The following MCPH1 variants were observed in gnomAD, a reference collection of about 807,000 sequenced individuals.
The protein encoded by MCPH1 is microcephalin 1.
Under a neutral mutation model 84.5 loss-of-function variants are expected in MCPH1, and 104 were observed. The ratio of observed to expected loss-of-function variants is 1.23; its 90% CI spans 1.05 to 1.45. MCPH1 has a LOEUF of 1.45. MCPH1 is among the 40% of genes most tolerant of loss of function. The probability of loss-of-function intolerance (pLI) is 0.00; values close to 1 mark genes in which losing one functional copy is unlikely to be tolerated. For missense variants in MCPH1, 1,498 were observed against 1,005.7 expected (o/e 1.49, Z -6.62); for synonymous variants, 514 against 366.8 (o/e 1.40, Z -4.58).
chr8:6,448,566 G>T (rs143595291), intron 8 of MCPH1, among the ~76,000 whole-genome samples: 1 of 152,316 alleles, frequency 6.6e-6, no homozygotes, highest in African/African-American at 2.4e-5. Context: ...CTGTGGGTTG[G>T]AGTGTTTGTC....
chr8:6,526,625 G>A (rs1464201849), intron 12 of MCPH1, among the ~76,000 whole-genome samples: 2 of 152,144 alleles, frequency 1.3e-5, no homozygotes, highest in East Asian at 1.9e-4. Flanking sequence ...CCAAAGGACA[G>A]AAAGAATTAT....
chr8:6,478,826 T>C (rs1808813087), intron 10 of MCPH1, among the ~76,000 whole-genome samples: 1 of 152,236 alleles, frequency 6.6e-6, no homozygotes, highest in Admixed American at 6.5e-5. Flanking sequence ...CGGGTTGAAG[T>C]AGTGATGAGG....
rs765559736 is a variant in MCPH1 at position 6,445,410 on chromosome 8, A to G, written c.1688A>G (p.Asn563Ser). Reference sequence around the variant, plus strand: ...GCGGTTGGTCTGAAAAGCACACAGAACAAAGGTACCACTTCCAAAATATCA... The same window carrying G: ...GCGGTTGGTCTGAAAAGCACACAGAGCAAAGGTACCACTTCCAAAATATCA... ...KEAVGLKSTQ[N>S]KGTTSKISNS... Residue 563 changes from asparagine to serine, a missense_variant, in exon 8 of 14, where the codon AAC becomes AGC. Asn to Ser is a conservative substitution (Grantham distance 46). Coordinates refer to ENST00000344683, the MANE Select transcript of MCPH1 (RefSeq NM_024596.5). 3 of 1,614,142 alleles carry G rather than the reference A, an allele frequency of 1.9e-6. No individual in the cohort carries two copies. The highest frequency in any genetic ancestry group is 1.7e-5 in the Admixed American group (1 of 60,016).
chr8:6,484,128 A>T (rs1043201060), intron 11 of MCPH1, among the ~76,000 whole-genome samples: 1 of 152,230 alleles, frequency 6.6e-6, no homozygotes, highest in Admixed American at 6.5e-5. Flanking sequence ...TTATGAAGAG[A>T]TCAGAAGAAA....
In MCPH1 at chr8:6,431,660, A is replaced by C. The variant is rs1270107543; in HGVS notation, c.321+74A>C. ...TTTTTATTTTTTATTTCTAGAAAAT[A>C]AAACTTCTAGAAATATATTCAAGAG... On this transcript the variant is annotated intron_variant, in intron 4 of 13. Coordinates refer to ENST00000344683, the MANE Select transcript of MCPH1 (RefSeq NM_024596.5). 3.9e-6 allele frequency: 4 copies of C among 1,013,614 alleles called. No homozygotes were observed. In the African/African-American group the frequency reaches 6.5e-5, roughly 17 times the overall value. The allele number at this position is 1,013,614 out of a possible 1,614,324, so 62.8% of individuals were successfully genotyped here.
intron 12 of MCPH1, among the ~76,000 whole-genome samples, chr8:6,542,795 C>T (rs1329368809): frequency 2.6e-5 from 4 of 152,056 alleles, no homozygotes; most frequent in African/African-American, 9.7e-5. Flanking sequence ...CTGAAGTGGG[C>T]AGTTTTTTTC....
intron 12 of MCPH1, among the ~76,000 whole-genome samples, chr8:6,565,468 C>T (rs2129576124): frequency 6.6e-6 from 1 of 152,108 alleles, no homozygotes; most frequent in East Asian, 1.9e-4. Context: ...CTCTTGTTGC[C>T]CAGGCTGGTC....
chr8:6,543,149 C>T (rs748114412), intron 12 of MCPH1, among the ~76,000 whole-genome samples: 6 of 152,082 alleles, frequency 3.9e-5, no homozygotes, highest in Non-Finnish European at 7.4e-5. Flanking sequence ...CCTCTTTCTG[C>T]TAGCACCCAA....
intron 12 of MCPH1, among the ~76,000 whole-genome samples, chr8:6,603,702 A>G (rs572029578): frequency 4.0e-4 from 61 of 152,312 alleles, no homozygotes; most frequent in African/African-American, 1.4e-3. Context: ...TTTCAGATAA[A>G]TAATCAGAAA....
At chr8:6,491,870 C>T (rs560495867) in intron 11 of MCPH1, among the ~76,000 whole-genome samples, 1 of 152,308 alleles carries the variant, frequency 6.6e-6, no homozygotes, top group Non-Finnish European at 1.5e-5. Flanking sequence ...TTAATCCAGT[C>T]TATCATTGTT....
At chr8:6,408,066 G>C (rs1797991111) in intron 1 of MCPH1, among the ~76,000 whole-genome samples, 1 of 152,188 alleles carries the variant, frequency 6.6e-6, no homozygotes, top group African/African-American at 2.4e-5. Flanking sequence ...TTTACCATCT[G>C]TCTCTTTACA....
intron 11 of MCPH1, among the ~76,000 whole-genome samples, chr8:6,495,821 TA>T (rs1811161865): frequency 6.6e-6 from 1 of 152,192 alleles, no homozygotes; most frequent in Non-Finnish European, 1.5e-5. Flanking sequence ...AAGCGGAATG[TA>T]AAACATACTT....
intron 13 of MCPH1, among the ~76,000 whole-genome samples, chr8:6,624,187 C>A (rs189477680): frequency 6.6e-6 from 1 of 152,258 alleles, no homozygotes; most frequent in Non-Finnish European, 1.5e-5. Context: ...AGGCTTCGAT[C>A]CCGCAAAGCC....
chr8:6,413,721 A>T (rs1036195113), intron 2 of MCPH1, among the ~76,000 whole-genome samples: 1 of 151,296 alleles, frequency 6.6e-6, no homozygotes, highest in Non-Finnish European at 1.5e-5. Flanking sequence ...ATTAAAAAAT[A>T]ATCTTCTGAT....
rs955664124 is a variant in MCPH1, at chr8:6,442,277, C to T, written c.670+121C>T. The T allele has an allele frequency of 4.5e-6, 3 of 672,252 alleles. No homozygotes were observed. The Admixed American group carries it at 7.2e-5, about 16-fold the overall frequency. The allele number at this position is 672,252 out of a possible 1,614,324, so 41.6% of individuals were successfully genotyped here. Reference sequence around the variant, plus strand: ...AAATAATTAGTTAAAACTAGAACTTCTAAATTTCCCCCTGAAATTAGGTAT... The same window carrying T: ...AAATAATTAGTTAAAACTAGAACTTTTAAATTTCCCCCTGAAATTAGGTAT... On this transcript the variant is annotated intron_variant, in intron 7 of 13. Transcript: ENST00000344683.
At chr8:6,416,123 T>C (rs1799250965) in intron 3 of MCPH1, among the ~76,000 whole-genome samples, 2 of 152,248 alleles carry the variant, frequency 1.3e-5, no homozygotes, top group African/African-American at 4.8e-5. Context: ...CAGGTGATTG[T>C]TGTATGTTGA....
rs1237129250 is a variant in MCPH1, at chr8:6,625,987, T to G, written c.2452+4296T>G. 3 of 985,182 alleles carry G rather than the reference T, an allele frequency of 3.0e-6. No individual in the cohort carries two copies. The South Asian group carries it at 1.4e-4, about 46-fold the overall frequency. The allele number at this position is 985,182 out of a possible 1,614,324, so 61.0% of individuals were successfully genotyped here. A position where few individuals can be genotyped will look rare whatever the true frequency, so the allele number is the denominator to read the frequency against. The stretch of plus-strand genomic sequence containing the variant: ...TGTGGCCAGAGGAGGGAAAGGAAGG[T>G]GGGTACTGAAACGACAGCTCTTCCC... On this transcript the variant is annotated intron_variant, in intron 13 of 13. Coordinates refer to ENST00000344683, the MANE Select transcript of MCPH1 (RefSeq NM_024596.5).
rs191046424 is a variant in MCPH1 at position 6,582,316 on chromosome 8, A to G, written c.2215-39138A>G. Among the ~76,000 whole-genome samples, 7 of 152,278 alleles carry G rather than the reference A, an allele frequency of 4.6e-5. No individual in the cohort carries two copies. In the Middle Eastern group the frequency reaches 0.01, roughly 222 times the overall value. On this transcript the variant is annotated intron_variant, in intron 12 of 13. Transcript: ENST00000344683. ...TCAGCCACTTTAATTATCTCTTTCA[A>G]TCCTCATAGTAACTCTTCAACATAG...
At chr8:6,476,917 C>T (rs561890171) in intron 9 of MCPH1, among the ~76,000 whole-genome samples, 1 of 152,148 alleles carries the variant, frequency 6.6e-6, no homozygotes, top group South Asian at 2.1e-4. Flanking sequence ...AATATACTGC[C>T]AAATTGTTAA....
Sources: allele counts gnomAD v4.1 joint callset (sites outside exome capture counted in the v4.1 genomes callset), GRCh38; gene constraint gnomAD v4.1.1; transcripts MANE v1.5; gene names NCBI Gene and HGNC (gene_info 2026-07-23, HGNC 2026-07-21).